SELENOI: variants seen among roughly 807,000 people sequenced by gnomAD.
The protein encoded by SELENOI is selenoprotein I.
In SELENOI, 24 loss-of-function variants were observed where a neutral mutation model predicts 50.7. The observed-to-expected ratio is 0.47, with a 90% confidence interval of 0.34 to 0.67. SELENOI has a LOEUF of 0.67. SELENOI is among the 30% of genes least tolerant of loss of function. SELENOI has a pLI of 0.01. For missense variants in SELENOI, 352 were observed against 461.4 expected (o/e 0.76, Z 2.17); for synonymous variants, 155 against 170.2 (o/e 0.91, Z 0.70).
intron 5 of SELENOI, among the ~76,000 whole-genome samples, chr2:26,374,012 G>C (rs183050199): frequency 6.6e-6 from 1 of 151,978 alleles, no homozygotes; most frequent in Non-Finnish European, 1.5e-5. Flanking sequence ...TTGGCTTCCC[G>C]AAGTGTTAGG....
chr2:26,354,544 G>A (rs1367634924), intron 1 of SELENOI, among the ~76,000 whole-genome samples: 1 of 151,448 alleles, frequency 6.6e-6, no homozygotes. Flanking sequence ...CCGCCACCAC[G>A]CCCGGCTAAT....
rs1023783531 is a variant in SELENOI at position 26,393,803 on chromosome 2, A to G, written c.*4700A>G. The G allele has an allele frequency of 2.0e-5, 3 of 152,228 alleles. No homozygotes were observed. The highest frequency in any genetic ancestry group is 7.2e-5 in the African/African-American group (3 of 41,468). 9.4% of individuals were successfully genotyped at this position (152,228 alleles called of 1,614,324 possible). On this transcript the variant is annotated 3_prime_UTR_variant, in exon 10 of 10. Transcript: ENST00000260585. ...GCTCTTCAGCAGCACATATACTGCA[A>G]CTGAAGTTAGAGACAGTACTGAAGA...
chr2:26,370,199 C>G (rs1677385415), intron 4 of SELENOI, among the ~76,000 whole-genome samples: 1 of 151,354 alleles, frequency 6.6e-6, no homozygotes, highest in Admixed American at 6.6e-5. Flanking sequence ...CAACAGGATC[C>G]CAAGGCAGAA....
intron 6 of SELENOI, among the ~76,000 whole-genome samples, chr2:26,381,648 A>G (rs763800476): frequency 1.1e-4 from 16 of 152,180 alleles, no homozygotes; most frequent in Non-Finnish European, 2.2e-4. Context: ...GGTGCTTCCC[A>G]GCTTGACGTG....
chr2:26,385,185 A>T, intron 8 of SELENOI, 46 bp downstream of exon 8: 3 of 1,105,094 alleles, frequency 2.7e-6, no homozygotes, highest in Non-Finnish European at 3.6e-6. Context: ...TTAGGATTGT[A>T]TGACAGAATT....
In SELENOI at chr2:26,367,137, C is replaced by G. The variant is rs1677300642; in HGVS notation, c.236-9C>G. 1 of 1,597,588 alleles carries G rather than the reference C, an allele frequency of 6.3e-7. No individual in the cohort carries two copies. Among genetic ancestry groups the G allele is most frequent in the Non-Finnish European group, 8.6e-7 (1 of 1,169,190 alleles). ...ACTGTATTAAAATCTTAGTTGCTTT[C>G]CTTTTCAGCACCAGGTCACAAGCAC... On this transcript the variant is annotated splice_polypyrimidine_tract_variant and intron_variant, in intron 3 of 9. Coordinates refer to ENST00000260585, the MANE Select transcript of SELENOI (RefSeq NM_033505.4).
At chr2:26,382,000 G>C (rs1677716626) in intron 6 of SELENOI, among the ~76,000 whole-genome samples, 1 of 152,182 alleles carries the variant, frequency 6.6e-6, no homozygotes. Context: ...CCAGCAGCTT[G>C]CCAGATATAT....
At chr2:26,362,606 C>G (rs374525404) in intron 1 of SELENOI, among the ~76,000 whole-genome samples, 128 of 151,972 alleles carry the variant, frequency 8.4e-4, no homozygotes, top group African/African-American at 3.0e-3. Context: ...ACTAAAAATA[C>G]AAAAACTAGC....
Position 26,389,777 on chromosome 2 carries a change from C to A in SELENOI, c.*674C>A, listed in dbSNP as rs573979547. ...GAATTTGAGAATGGGTTGTAATTAT[C>A]GCTCACCCATTGGGATGGTTCATTG... On this transcript the variant is annotated 3_prime_UTR_variant, in exon 10 of 10. Coordinates refer to ENST00000260585, the MANE Select transcript of SELENOI (RefSeq NM_033505.4). The A allele has an allele frequency of 6.6e-6, 1 of 152,288 alleles. No homozygotes were observed. Among genetic ancestry groups the A allele is most frequent in the African/African-American group, 2.4e-5 (1 of 41,372 alleles). 9.4% of individuals were successfully genotyped at this position (152,288 alleles called of 1,614,324 possible).
intron 4 of SELENOI, 78 bp from the exon 5 acceptor site, chr2:26,373,289 T>G (rs1445590338): frequency 7.4e-6 from 11 of 1,487,352 alleles, no homozygotes; most frequent in Non-Finnish European, 9.9e-6. Flanking sequence ...TTTTGTTTTT[T>G]CCTCCAGTTT....
intron 9 of SELENOI, among the ~76,000 whole-genome samples, chr2:26,388,682 CTAACTA>C (rs1379132854): frequency 2.0e-5 from 3 of 152,118 alleles, no homozygotes; most frequent in Non-Finnish European, 2.9e-5. Flanking sequence ...AATATAGAGT[CTAACTA>C]TAAATATGAT....
intron 1 of SELENOI, among the ~76,000 whole-genome samples, chr2:26,354,648 T>C (rs533466786): frequency 2.2e-4 from 34 of 152,154 alleles, no homozygotes; most frequent in South Asian, 1.0e-3. Context: ...GCCTTGGCCT[T>C]CCAAAGTGCT....
intron 1 of SELENOI, among the ~76,000 whole-genome samples, chr2:26,356,082 G>C (rs1181259840): frequency 6.6e-6 from 1 of 152,136 alleles, no homozygotes; most frequent in Non-Finnish European, 1.5e-5. Context: ...TTGATTAAAA[G>C]TACATTAAAA....
Position 26,389,496 on chromosome 2 carries a change from T to C in SELENOI, c.*393T>C, listed in dbSNP as rs1317854172. The C allele has an allele frequency of 1.3e-5, 2 of 159,388 alleles. No homozygotes were observed. Among genetic ancestry groups the C allele is most frequent in the African/African-American group, 4.8e-5 (2 of 41,586 alleles). 9.9% of individuals were successfully genotyped at this position (159,388 alleles called of 1,614,324 possible). On this transcript the variant is annotated 3_prime_UTR_variant, in exon 10 of 10. Transcript: ENST00000260585. The stretch of plus-strand genomic sequence containing the variant: ...ACAGTGTGTTTTCATATTTGGAACT[T>C]TGTAATAGCGGGAGTAGCAGTAGTC...
chr2:26,361,074 C>T (rs775432571), intron 1 of SELENOI, among the ~76,000 whole-genome samples: 1 of 152,026 alleles, frequency 6.6e-6, no homozygotes, highest in Non-Finnish European at 1.5e-5. Flanking sequence ...ATTAGCTGGG[C>T]GTGGTGGTGG....
rs995354311 is a variant in SELENOI at position 26,390,955 on chromosome 2, G to T, written c.*1852G>T. On this transcript the variant is annotated 3_prime_UTR_variant, in exon 10 of 10. Coordinates refer to ENST00000260585, the MANE Select transcript of SELENOI (RefSeq NM_033505.4). ...ACCGTTTTGTTGACCTTGTACACAAGAATGAGATTAATCTGTATTATATAA... is the reference window on the plus strand; with the variant it reads ...ACCGTTTTGTTGACCTTGTACACAATAATGAGATTAATCTGTATTATATAA... 2 of 152,156 alleles carry T rather than the reference G, an allele frequency of 1.3e-5. No homozygotes were observed. The highest frequency in any genetic ancestry group is 4.8e-5 in the African/African-American group (2 of 41,432). The allele number at this position is 152,156 out of a possible 1,614,324, so 9.4% of individuals were successfully genotyped here. A position where few individuals can be genotyped will look rare whatever the true frequency, so the allele number is the denominator to read the frequency against.
At chr2:26,370,399 C>T (rs1348797420) in intron 4 of SELENOI, among the ~76,000 whole-genome samples, 6 of 151,704 alleles carry the variant, frequency 4.0e-5, no homozygotes, top group Non-Finnish European at 7.4e-5. Context: ...GGGTGGTGGC[C>T]GGGCAGAGGG....
chr2:26,346,362 C>A, intron 1 of SELENOI, 73 bp downstream of exon 1: 1 of 1,495,224 alleles, frequency 6.7e-7, no homozygotes, highest in African/African-American at 1.4e-5. Context: ...CCGCGCGGCG[C>A]GGTCCGTGTC....
chr2:26,373,235 C>T, intron 4 of SELENOI, 132 bp from the exon 5 acceptor site: 1 of 1,079,708 alleles, frequency 9.3e-7, no homozygotes, highest in Non-Finnish European at 1.3e-6. Flanking sequence ...TTTTATAGTA[C>T]CAGCTGATAG....
Sources: gnomAD v4.1 joint callset for allele counts (sites outside exome capture counted in the v4.1 genomes callset) on GRCh38, gnomAD v4.1.1 for gene constraint, MANE v1.5 for transcripts, NCBI Gene and HGNC (gene_info 2026-07-23, HGNC 2026-07-21) for gene names.